Variants in NSMCE2 observed in about 807,000 individuals in gnomAD.
The protein encoded by NSMCE2 is E3 SUMO-protein ligase NSE2.
In NSMCE2, 24 loss-of-function variants were observed where a neutral mutation model predicts 23.8. The observed-to-expected ratio is 1.01, with a 90% CI of 0.73 to 1.42. The LOEUF (loss-of-function observed/expected upper bound fraction) is 1.42, where lower values mean the gene tolerates loss of function less well. NSMCE2 is among the 40% of genes most tolerant of loss of function. NSMCE2 has a pLI of 0.00. For missense variants in NSMCE2, 284 were observed against 296.5 expected (o/e 0.96, Z 0.31); for synonymous variants, 92 against 94.1 (o/e 0.98, Z 0.13).
At chr8:125,172,809 C>T (rs1265437836) in intron 4 of NSMCE2, among the ~76,000 whole-genome samples, 1 of 152,210 alleles carries the variant, frequency 6.6e-6, no homozygotes, top group Non-Finnish European at 1.5e-5. Flanking sequence ...AATTCCCTTC[C>T]TCCACTACTC....
At chr8:125,165,472 A>T (rs1444192395) in intron 4 of NSMCE2, among the ~76,000 whole-genome samples, 1 of 152,232 alleles carries the variant, frequency 6.6e-6, no homozygotes, top group Non-Finnish European at 1.5e-5. Context: ...CTGGATTATA[A>T]CTAGAAAATC....
intron 5 of NSMCE2, among the ~76,000 whole-genome samples, chr8:125,199,057 C>T (rs1006153671): frequency 2.6e-5 from 4 of 151,966 alleles, no homozygotes; most frequent in East Asian, 3.9e-4. Context: ...TTTTTTATTG[C>T]GTCTGTATGA....
intron 5 of NSMCE2, among the ~76,000 whole-genome samples, chr8:125,216,355 TG>T (rs1423656786): frequency 6.6e-6 from 1 of 152,192 alleles, no homozygotes; most frequent in Non-Finnish European, 1.5e-5. Context: ...AAATGATCTG[TG>T]GGTCCGGGCG....
At chr8:125,222,112 CT>C (rs2130919079) in intron 5 of NSMCE2, among the ~76,000 whole-genome samples, 2 of 152,054 alleles carry the variant, frequency 1.3e-5, no homozygotes, top group African/African-American at 4.8e-5. Context: ...ATTAATAAAC[CT>C]TCAAGAATTA....
At chr8:125,213,201 A>T (rs1158041704) in intron 5 of NSMCE2, among the ~76,000 whole-genome samples, 1 of 152,120 alleles carries the variant, frequency 6.6e-6, no homozygotes, top group African/African-American at 2.4e-5. Flanking sequence ...CTCTGTTGTG[A>T]GATTTTCCCC....
chr8:125,197,299 T>C (rs1823667471), intron 5 of NSMCE2, among the ~76,000 whole-genome samples: 1 of 152,202 alleles, frequency 6.6e-6, no homozygotes, highest in African/African-American at 2.4e-5. Context: ...TGGTATTGCC[T>C]AGGTTTTCTT....
chr8:125,094,989 C>T (rs578094515), intron 1 of NSMCE2, among the ~76,000 whole-genome samples: 1 of 152,304 alleles, frequency 6.6e-6, no homozygotes, highest in South Asian at 2.1e-4. Context: ...GGAGCTGGGG[C>T]TGCAGGCCCG....
intron 5 of NSMCE2, among the ~76,000 whole-genome samples, chr8:125,199,119 T>A (rs1238132756): frequency 6.6e-6 from 1 of 152,200 alleles, no homozygotes; most frequent in African/African-American, 2.4e-5. Flanking sequence ...GTCAATTTTG[T>A]TGATCTTTTC....
rs185796399 is a variant in NSMCE2 at position 125,265,076 on chromosome 8, A to G, written c.418+82820A>G. On this transcript the variant is annotated intron_variant, in intron 5 of 7. Transcript: ENST00000287437. ...TAGTATCTTAAAAATTAAAGTTTAT[A>G]TACAGTTCAACAGGGCCAGGATTAA... Among the ~76,000 whole-genome samples, 9 of 152,262 alleles carry G rather than the reference A, an allele frequency of 5.9e-5. No individual in the cohort carries two copies. The East Asian group carries it at 1.2e-3, about 20-fold the overall frequency.
intron 1 of NSMCE2, among the ~76,000 whole-genome samples, chr8:125,095,000 C>T (rs949355068): frequency 6.6e-6 from 1 of 152,162 alleles, no homozygotes; most frequent in African/African-American, 2.4e-5. Context: ...TGCAGGCCCG[C>T]ACCACCACAT....
chr8:125,215,700 T>C (rs987026780), intron 5 of NSMCE2, among the ~76,000 whole-genome samples: 10 of 152,204 alleles, frequency 6.6e-5, no homozygotes, highest in Non-Finnish European at 1.3e-4. Flanking sequence ...CCATCTTGAA[T>C]TGATTTTTGT....
chr8:125,098,147 T>TA (rs1460431574), intron 1 of NSMCE2, among the ~76,000 whole-genome samples: 1 of 152,198 alleles, frequency 6.6e-6, no homozygotes, highest in East Asian at 1.9e-4. Flanking sequence ...TTCCCAGACA[T>TA]ACTGAATTAG....
At chr8:125,319,522 GGT>G (rs371956150) in intron 5 of NSMCE2, among the ~76,000 whole-genome samples, 1 of 151,940 alleles carries the variant, frequency 6.6e-6, no homozygotes, top group Non-Finnish European at 1.5e-5. Context: ...ATGGAAGGTA[GGT>G]GTGTGTGTGT....
chr8:125,188,964 A>T (rs1823228692), intron 5 of NSMCE2, among the ~76,000 whole-genome samples: 1 of 152,220 alleles, frequency 6.6e-6, no homozygotes, highest in Admixed American at 6.5e-5. Flanking sequence ...ATGAGAAGTA[A>T]ACCAAGGTAG....
At chr8:125,170,372 ATTTCTTTTTTTTT>A (rs1822122410) in intron 4 of NSMCE2, among the ~76,000 whole-genome samples, 1 of 24,620 alleles carries the variant, frequency 4.1e-5, no homozygotes, top group Non-Finnish European at 9.4e-5. Context: ...CTTACTCTTT[ATTTCTTTTTTTTT>A]TTTTTTTTTT....
At position 125,256,451 on chromosome 8, in the gene NSMCE2, C is replaced by T. The variant is rs115410039; in HGVS notation, c.418+74195C>T. Among the ~76,000 whole-genome samples the T allele has an allele frequency of 1.0e-2, 1,520 of 152,128 alleles. 17 individuals carry two copies. Among genetic ancestry groups the T allele is most frequent in the African/African-American group, 0.035 (1,436 of 41,494 alleles). On this transcript the variant is annotated intron_variant, in intron 5 of 7. Transcript: ENST00000287437. Reference sequence around the variant, plus strand: ...GCAAAGCTAGAGAGTACAGCTTTGACGTGCTGGATATGTAAAGTCTCTGGC... The same window carrying T: ...GCAAAGCTAGAGAGTACAGCTTTGATGTGCTGGATATGTAAAGTCTCTGGC...
chr8:125,245,981 G>A (rs541091492), intron 5 of NSMCE2, among the ~76,000 whole-genome samples: 12 of 151,668 alleles, frequency 7.9e-5, no homozygotes, highest in South Asian at 2.1e-4. Context: ...CCGAGATTGC[G>A]CCACTGCACT....
chr8:125,207,732 GC>G (rs1201217424), intron 5 of NSMCE2, among the ~76,000 whole-genome samples: 3 of 152,204 alleles, frequency 2.0e-5, no homozygotes, highest in Non-Finnish European at 4.4e-5. Context: ...GTTAGGAGGG[GC>G]TTCCTCACAC....
intron 5 of NSMCE2, among the ~76,000 whole-genome samples, chr8:125,236,296 T>G (rs1825546377): frequency 6.6e-6 from 1 of 152,146 alleles, no homozygotes; most frequent in African/African-American, 2.4e-5. Context: ...GTATGTATTT[T>G]GTGCACTTTT....
Sources: allele counts gnomAD v4.1 joint callset (sites outside exome capture counted in the v4.1 genomes callset), GRCh38; gene constraint gnomAD v4.1.1; transcripts MANE v1.5; gene names NCBI Gene and HGNC (gene_info 2026-07-23, HGNC 2026-07-21).